Variants in RMDN1 observed in about 807,000 individuals in gnomAD.
The protein encoded by RMDN1 is regulator of microtubule dynamics protein 1.
In RMDN1, 48 loss-of-function variants were observed where a neutral mutation model predicts 48.9. The ratio of observed to expected loss-of-function variants is 0.98; its 90% CI spans 0.78 to 1.25. The LOEUF (loss-of-function observed/expected upper bound fraction) is 1.25. Among genes scored for constraint, RMDN1 ranks in the 50% most tolerant of loss-of-function variants. The pLI is 0.00. For missense variants in RMDN1, 418 were observed against 373.4 expected (o/e 1.12, Z -0.98); for synonymous variants, 148 against 132.6 (o/e 1.12, Z -0.80).
chr8:86,475,769 T>C (rs1357833205), intron 8 of RMDN1, among the ~76,000 whole-genome samples: 3 of 152,210 alleles, frequency 2.0e-5, no homozygotes, highest in East Asian at 1.9e-4. Context: ...CAAAATTGTT[T>C]TACTTCTTTT....
upstream of RMDN1, chr8:86,508,888 C>G: frequency 4.3e-6 from 4 of 939,276 alleles, no homozygotes; most frequent in Non-Finnish European, 5.4e-6. Context: ...TCTTCAGGCG[C>G]TCTGACTTGT....
intron 2 of RMDN1, chr8:86,504,357 G>A (rs1818914436): frequency 1.9e-6 from 3 of 1,576,540 alleles, no homozygotes; most frequent in Middle Eastern, 1.7e-4. Context: ...TCACCGTGCT[G>A]GAGTTCTTTA....
upstream of RMDN1, among the ~76,000 whole-genome samples, chr8:86,511,134 A>C (rs2131397589): frequency 6.6e-6 from 1 of 152,102 alleles, no homozygotes; most frequent in South Asian, 2.1e-4. Context: ...ACTGCACTCC[A>C]GTCCAGGCAA....
chr8:86,480,391 A>T, intron 5 of RMDN1, 59 bp from the exon 6 acceptor site: 1 of 943,276 alleles, frequency 1.1e-6, no homozygotes, highest in Non-Finnish European at 1.6e-6. Flanking sequence ...TAAGTGCTTT[A>T]CTGTGTTTGC....
chr8:86,477,100 C>G (rs1813504058), intron 8 of RMDN1, among the ~76,000 whole-genome samples, 194 bp downstream of exon 8: 1 of 151,802 alleles, frequency 6.6e-6, no homozygotes, highest in East Asian at 1.9e-4. Flanking sequence ...AACTGCAGCT[C>G]TAAGTTCAAT....
Position 86,508,675 on chromosome 8 carries a change from C to T in RMDN1, c.-55G>A. The T allele has an allele frequency of 2.0e-6, 3 of 1,522,886 alleles. No homozygotes were observed. The highest frequency in any genetic ancestry group is 2.1e-4 in the Middle Eastern group (1 of 4,768). 94.3% of individuals were successfully genotyped at this position (1,522,886 alleles called of 1,614,324 possible). On this transcript the variant is annotated 5_prime_UTR_variant, in exon 1 of 10. Transcript: ENST00000406452. Reference sequence around the variant, plus strand: ...TACTTCAGGCAGCTACGGAGGCGGGCGGGGCTAAAGGAGATTCAATCCTTC... The same window carrying T: ...TACTTCAGGCAGCTACGGAGGCGGGTGGGGCTAAAGGAGATTCAATCCTTC...
At chr8:86,474,423 A>AGTTTATAAAGTGGG (rs1813020394) in intron 9 of RMDN1, 65 bp from the exon 10 acceptor site, 2 of 1,338,856 alleles carry the variant, frequency 1.5e-6, no homozygotes, top group Non-Finnish European at 2.1e-6. Flanking sequence ...GTGAAATTTA[A>AGTTTATAAAGTGGG]GTTTATAAAG....
chr8:86,494,039 A>G (rs978604012), intron 2 of RMDN1, among the ~76,000 whole-genome samples: 1 of 152,200 alleles, frequency 6.6e-6, no homozygotes, highest in African/African-American at 2.4e-5. Context: ...CGGTTACCAG[A>G]GGCTGGGGTT....
intron 1 of RMDN1, 24 bp downstream of exon 1, chr8:86,508,468 C>A (rs1819763797): frequency 2.0e-6 from 3 of 1,536,852 alleles, no homozygotes; most frequent in East Asian, 2.5e-5. Flanking sequence ...AAGTGAGGAG[C>A]GGGAGCCAGG....
chr8:86,471,925 G>C (rs1348777950), downstream of RMDN1, among the ~76,000 whole-genome samples: 1 of 152,186 alleles, frequency 6.6e-6, no homozygotes, highest in Non-Finnish European at 1.5e-5. Context: ...GGAAAGATTA[G>C]CAACAAATCA....
exon 1 of RMDN1, chr8:86,514,333 G>T: frequency 2.2e-6 from 2 of 893,854 alleles, no homozygotes; most frequent in Non-Finnish European, 2.7e-6. Context: ...CATGCAGCCC[G>T]GAGTCAGCTC....
chr8:86,489,767 T>G (rs1477600707), intron 2 of RMDN1, among the ~76,000 whole-genome samples: 2 of 149,842 alleles, frequency 1.3e-5, no homozygotes, highest in African/African-American at 5.0e-5. Flanking sequence ...GAAGCAGAGG[T>G]TGCAGTGAGC....
chr8:86,490,711 T>C (rs769726602), intron 2 of RMDN1, among the ~76,000 whole-genome samples: 3 of 152,220 alleles, frequency 2.0e-5, no homozygotes, highest in Non-Finnish European at 4.4e-5. Flanking sequence ...AATATATTGA[T>C]CTGGCATATT....
intron 3 of RMDN1, among the ~76,000 whole-genome samples, chr8:86,488,069 C>T (rs1815792853): frequency 6.6e-6 from 1 of 152,088 alleles, no homozygotes; most frequent in African/African-American, 2.4e-5. Context: ...ACTAAACATA[C>T]AATCTAATAA....
At chr8:86,505,358 C>G (rs760336571) in intron 2 of RMDN1, 120 of 457,846 alleles carry the variant, frequency 2.6e-4, no homozygotes, top group Non-Finnish European at 3.8e-4. Flanking sequence ...TTTTTCCTTC[C>G]TTGGGTTCTA....
At chr8:86,480,399 T>G (rs1275451800) in intron 5 of RMDN1, 67 bp from the exon 6 acceptor site, 33 of 856,160 alleles carry the variant, frequency 3.9e-5, no homozygotes, top group Non-Finnish European at 5.6e-5. Context: ...TTACTGTGTT[T>G]GCTGAAGAAG....
At chr8:86,481,596 A>T (rs1226657304) in intron 5 of RMDN1, among the ~76,000 whole-genome samples, 3 of 140,082 alleles carry the variant, frequency 2.1e-5, no homozygotes, top group East Asian at 2.1e-4. Flanking sequence ...TTGCCAAAAT[A>T]AGGTTTTATT....
At chr8:86,493,185 A>G (rs998450165) in intron 2 of RMDN1, among the ~76,000 whole-genome samples, 4 of 152,212 alleles carry the variant, frequency 2.6e-5, no homozygotes, top group African/African-American at 7.2e-5. Flanking sequence ...TTATATAAAC[A>G]TGCCGAGCAA....
chr8:86,479,909 G>T (rs1025026361), intron 6 of RMDN1, among the ~76,000 whole-genome samples: 2 of 152,032 alleles, frequency 1.3e-5, no homozygotes, highest in East Asian at 1.9e-4. Context: ...CAGATTATAT[G>T]GTTCCTCAGA....
Sources: allele counts gnomAD v4.1 joint callset (sites outside exome capture counted in the v4.1 genomes callset), GRCh38; gene constraint gnomAD v4.1.1; transcripts MANE v1.5; gene names NCBI Gene and HGNC (gene_info 2026-07-23, HGNC 2026-07-21).